Variants in PACRGL observed in about 807,000 individuals in gnomAD.
PACRGL encodes the protein parkin coregulated like.
PACRGL carries 38 observed loss-of-function variants against 34.5 expected under a neutral mutation model. The observed-to-expected ratio is 1.10, with a 90% CI of 0.85 to 1.44. The LOEUF is 1.44. PACRGL is among the 40% of genes most tolerant of loss of function. The pLI is 0.00. For synonymous variants in PACRGL, 128 were observed against 100.1 expected (o/e 1.28, Z -1.66); for missense variants, 305 against 281.4 (o/e 1.08, Z -0.60).
chr4:20,714,253 T>C (rs1460975191), intron 7 of PACRGL, among the ~76,000 whole-genome samples: 1 of 152,214 alleles, frequency 6.6e-6, no homozygotes, highest in Non-Finnish European at 1.5e-5. Context: ...CATTATGTAA[T>C]GGCCTTCTTT....
rs1218678727 is a variant in PACRGL, at chr4:20,728,777, A to AGAATAGATACCTGATTTATTGTTGC, written c.*1437_*1461dup. On this transcript the variant is annotated 3_prime_UTR_variant, in exon 9 of 9. Coordinates refer to ENST00000503585, the MANE Select transcript of PACRGL (RefSeq NM_001258345.3). The stretch of plus-strand genomic sequence containing the variant: ...GCTTTCAACATCCTATCTCTACACC[A>AGAATAGATACCTGATTTATTGTTGC]GAATAGATACCTGATTTATTGTTGC... 23 of 152,730 alleles carry AGAATAGATACCTGATTTATTGTTGC rather than the reference A, an allele frequency of 1.5e-4. No homozygotes were observed. Among genetic ancestry groups the AGAATAGATACCTGATTTATTGTTGC allele is most frequent in the Non-Finnish European group, 2.8e-4 (19 of 68,026 alleles). The allele number at this position is 152,730 out of a possible 1,614,324, so 9.5% of individuals were successfully genotyped here.
At chr4:20,760,447 T>G in the PACRGL span, among the ~76,000 whole-genome samples, 1 of 152,310 alleles carries the variant, frequency 6.6e-6, no homozygotes, top group Non-Finnish European at 1.5e-5. Flanking sequence ...CTTACTTTCT[T>G]TATTCCAGTG....
intron 8 of PACRGL, among the ~76,000 whole-genome samples, chr4:20,742,693 T>A (rs1031186218): frequency 6.6e-6 from 1 of 152,070 alleles, no homozygotes; most frequent in Non-Finnish European, 1.5e-5. Context: ...CTATTCAACA[T>A]AGTGTTGGAA....
At chr4:20,706,032 G>A (rs1001050539) in intron 3 of PACRGL, among the ~76,000 whole-genome samples, 1 of 151,150 alleles carries the variant, frequency 6.6e-6, no homozygotes, top group African/African-American at 2.4e-5. Context: ...TTTTTGAAAC[G>A]CTAATTCAGT....
intron 8 of PACRGL, among the ~76,000 whole-genome samples, chr4:20,743,507 C>T (rs887918413): frequency 6.6e-6 from 1 of 152,140 alleles, no homozygotes; most frequent in Non-Finnish European, 1.5e-5. Flanking sequence ...CTGACAGAAA[C>T]AAGCAATGGG....
At chr4:20,716,681 G>T (rs1740193153) in intron 7 of PACRGL, among the ~76,000 whole-genome samples, 1 of 152,094 alleles carries the variant, frequency 6.6e-6, no homozygotes, top group Admixed American at 6.6e-5. Flanking sequence ...TTTTATGGCT[G>T]CATAGTATTC....
In PACRGL at chr4:20,728,982, C is replaced by CACTT. The variant is rs745920241; in HGVS notation, c.*1643_*1646dup. 3.8e-4 allele frequency: 58 copies of CACTT among 152,130 alleles called. No individual in the cohort carries two copies. Among genetic ancestry groups the CACTT allele is most frequent in the Non-Finnish European group, 6.6e-4 (45 of 68,004 alleles). The allele number at this position is 152,130 out of a possible 1,614,324, so 9.4% of individuals were successfully genotyped here. A position where few individuals can be genotyped will look rare whatever the true frequency, so the allele number is the denominator to read the frequency against. On this transcript the variant is annotated 3_prime_UTR_variant, in exon 9 of 9. Transcript: ENST00000503585. ...ACTGTAATCTGGATTAGTTGTTGAGCACTTATTTTCTACTAAATCTTGGTA... is the reference window on the plus strand; with the variant it reads ...ACTGTAATCTGGATTAGTTGTTGAGCACTTACTTATTTTCTACTAAATCTTGGTA...
At chr4:20,712,609 G>T in intron 5 of PACRGL, 179 bp from the exon 6 acceptor site, 1 of 539,306 alleles carries the variant, frequency 1.9e-6, no homozygotes. Flanking sequence ...GATACCAAGG[G>T]ACCCTTTGTC....
intron 7 of PACRGL, among the ~76,000 whole-genome samples, chr4:20,724,530 A>G (rs1744825202): frequency 6.6e-6 from 1 of 152,184 alleles, no homozygotes; most frequent in African/African-American, 2.4e-5. Flanking sequence ...TGCTCTTGCA[A>G]ATTACAGAAT....
At chr4:20,706,101 T>C (rs1457541393) in intron 3 of PACRGL, among the ~76,000 whole-genome samples, 1 of 151,922 alleles carries the variant, frequency 6.6e-6, no homozygotes, top group Admixed American at 6.6e-5. Flanking sequence ...TGTTAAAAAT[T>C]GAATGGGATA....
intron 8 of PACRGL, among the ~76,000 whole-genome samples, chr4:20,741,564 A>G (rs1157023749): frequency 1.3e-5 from 2 of 152,236 alleles, no homozygotes; most frequent in Non-Finnish European, 2.9e-5. Flanking sequence ...GGACACATTT[A>G]AAGCAGTGTG....
At chr4:20,719,332 A>G (rs781306676) in intron 7 of PACRGL, among the ~76,000 whole-genome samples, 40 of 151,888 alleles carry the variant, frequency 2.6e-4, no homozygotes, top group African/African-American at 8.7e-4. Flanking sequence ...ATCTCCTTCA[A>G]TTCTGCTCTG....
At chr4:20,765,290 T>C in the PACRGL span, among the ~76,000 whole-genome samples, 3 of 152,168 alleles carry the variant, frequency 2.0e-5, no homozygotes, top group African/African-American at 4.8e-5. Context: ...CTATTAGGAC[T>C]GAAAACATAG....
At chr4:20,755,363 T>C (rs1754307221), downstream of PACRGL, among the ~76,000 whole-genome samples, 1 of 152,260 alleles carries the variant, frequency 6.6e-6, no homozygotes, top group Non-Finnish European at 1.5e-5. Context: ...AAACAACTAA[T>C]ACTTAAGTGC....
At chr4:20,726,766 A>C (rs1030620634) in intron 8 of PACRGL, among the ~76,000 whole-genome samples, 1 of 152,160 alleles carries the variant, frequency 6.6e-6, no homozygotes, top group Admixed American at 6.5e-5. Flanking sequence ...ATCTGCCTTA[A>C]ATTGAAATCA....
rs1406126929 is a variant in PACRGL at position 20,729,946 on chromosome 4, A to ATATT, written c.*2606_*2609dup. 3 of 1,020,860 alleles carry ATATT rather than the reference A, an allele frequency of 2.9e-6. No homozygotes were observed. The African/African-American group carries it at 5.0e-5, about 17-fold the overall frequency. The allele number at this position is 1,020,860 out of a possible 1,614,324, so 63.2% of individuals were successfully genotyped here. A position where few individuals can be genotyped will look rare whatever the true frequency, so the allele number is the denominator to read the frequency against. On this transcript the variant is annotated 3_prime_UTR_variant, in exon 9 of 9. Transcript: ENST00000503585. ...GCTCAAATCTTTTGGGGATTGCTTT[A>ATATT]TATTAAAACAAAGCTTGTTTGCATA...
chr4:20,728,316 TAAAGA>T lies in PACRGL; in HGVS notation c.*976_*980del, dbSNP rs1746606208. ...TAGCCAGAAAATACTGATGTTCACT[TAAAGA>T]TATTCAGCAATTAAAATGTTAAAAC... On this transcript the variant is annotated 3_prime_UTR_variant, in exon 9 of 9. Transcript: ENST00000503585. 1.3e-5 allele frequency: 2 copies of T among 152,238 alleles called. No individual in the cohort carries two copies. The highest frequency in any genetic ancestry group is 4.1e-4 in the South Asian group (2 of 4,834). 9.4% of individuals were successfully genotyped at this position (152,238 alleles called of 1,614,324 possible).
In PACRGL at chr4:20,705,008, A is replaced by G. The variant is rs1383884345; in HGVS notation, c.207+194A>G. On this transcript the variant is annotated intron_variant, in intron 3 of 8. Coordinates refer to ENST00000503585, the MANE Select transcript of PACRGL (RefSeq NM_001258345.3). ...TGGGAGTGAGTATGGAGGTAAGGAG[A>G]CATAGAAGTTAACCTGTTTGGGATA... Among the ~76,000 whole-genome samples, 5 of 152,154 alleles carry G rather than the reference A, an allele frequency of 3.3e-5. No individual in the cohort carries two copies. The East Asian group carries it at 9.6e-4, about 29-fold the overall frequency.
chr4:20,729,233 T>G lies in PACRGL; in HGVS notation c.*1892T>G, dbSNP rs1354924943. 6.6e-6 allele frequency: 1 copy of G among 152,106 alleles called. No individual in the cohort carries two copies. The highest frequency in any genetic ancestry group is 1.5e-5 in the Non-Finnish European group (1 of 68,022). 9.4% of individuals were successfully genotyped at this position (152,106 alleles called of 1,614,324 possible). A position where few individuals can be genotyped will look rare whatever the true frequency, so the allele number is the denominator to read the frequency against. ...CTTGTTATTAAGCATTACTATATAC[T>G]GGAGGATAGATATCCTGACCCTTTG... is the stretch of plus-strand genomic sequence containing the variant. On this transcript the variant is annotated 3_prime_UTR_variant, in exon 9 of 9. Transcript: ENST00000503585.
Sources: allele counts gnomAD v4.1 joint callset (sites outside exome capture counted in the v4.1 genomes callset), GRCh38; gene constraint gnomAD v4.1.1; transcripts MANE v1.5; gene names NCBI Gene and HGNC (gene_info 2026-07-23, HGNC 2026-07-21).